The following PDE3A variants were observed in gnomAD, a reference collection of about 807,000 sequenced individuals.
PDE3A encodes the protein cGMP-inhibited 3',5'-cyclic phosphodiesterase 3A.
PDE3A carries 43 observed loss-of-function variants against 98.3 expected under a neutral mutation model. The observed-to-expected ratio is 0.44, with a 90% confidence interval of 0.34 to 0.56. The LOEUF (loss-of-function observed/expected upper bound fraction) is 0.56, where lower values mean the gene tolerates loss of function less well. PDE3A is among the 20% of genes least tolerant of loss of function. The pLI, the probability that PDE3A is intolerant of heterozygous loss-of-function variation, is 0.01. For missense variants in PDE3A, 1,427 were observed against 1,440.7 expected, an observed-to-expected ratio of 0.99 and a Z score of 0.15; for synonymous variants, 663 against 567.9, an observed-to-expected ratio of 1.17 and a Z score of -2.38.
At chr12:20,495,038 G>C (rs992576014) in intron 1 of PDE3A, among the ~76,000 whole-genome samples, 7 of 152,096 alleles carry the variant, frequency 4.6e-5, no homozygotes, top group African/African-American at 1.7e-4. Flanking sequence ...TTTAAACATA[G>C]TGTCTGTCTA....
intron 1 of PDE3A, among the ~76,000 whole-genome samples, chr12:20,529,409 G>C (rs560474250): frequency 1.3e-5 from 2 of 152,174 alleles, no homozygotes; most frequent in Non-Finnish European, 2.9e-5. Flanking sequence ...TTCCCCAAAA[G>C]ATATGTTGAT....
intron 4 of PDE3A, among the ~76,000 whole-genome samples, chr12:20,618,961 A>G (rs1305504851): frequency 1.3e-5 from 2 of 152,090 alleles, no homozygotes; most frequent in Non-Finnish European, 2.9e-5. Context: ...TCACAGGCAC[A>G]TAGATAATTT....
chr12:20,455,909 G>A (rs1411237044), intron 1 of PDE3A, among the ~76,000 whole-genome samples: 1 of 152,052 alleles, frequency 6.6e-6, no homozygotes, highest in Admixed American at 6.6e-5. Flanking sequence ...AAGCTTTCCT[G>A]CATCAAAGCG....
chr12:20,666,179 G>C (rs970247607), intron 15 of PDE3A, among the ~76,000 whole-genome samples: 3 of 151,826 alleles, frequency 2.0e-5, no homozygotes, highest in Non-Finnish European at 2.9e-5. Flanking sequence ...TGGCCAGGCT[G>C]GTCTTAAACT....
At chr12:20,508,803 T>C (rs562200652) in intron 1 of PDE3A, among the ~76,000 whole-genome samples, 173 of 71,022 alleles carry the variant, frequency 2.4e-3, no homozygotes, top group African/African-American at 9.6e-3. Context: ...ATTAACCAAG[T>C]AGTTGATACC....
rs963027435 is a variant in PDE3A at position 20,456,088 on chromosome 12, C to A, written c.960+85844C>A. Among the ~76,000 whole-genome samples the A allele has an allele frequency of 3.9e-5, 6 of 152,184 alleles. No individual in the cohort carries two copies. In the East Asian group the frequency reaches 1.2e-3, roughly 29 times the overall value. On this transcript the variant is annotated intron_variant, in intron 1 of 15. Transcript: ENST00000359062. ...ATTTTAATATTTATATCCAGGACGTCGCGACAACCTGTAGCTTCCCTCATG... is the reference window on the plus strand; with the variant it reads ...ATTTTAATATTTATATCCAGGACGTAGCGACAACCTGTAGCTTCCCTCATG...
chr12:20,416,413 T>C (rs1003319121), intron 1 of PDE3A, among the ~76,000 whole-genome samples: 11 of 152,210 alleles, frequency 7.2e-5, no homozygotes, highest in African/African-American at 2.7e-4. Context: ...TGTATGTGAA[T>C]GCATGTGTGT....
chr12:20,396,895 C>G (rs1944030028), intron 1 of PDE3A, among the ~76,000 whole-genome samples: 1 of 151,946 alleles, frequency 6.6e-6, no homozygotes, highest in Admixed American at 6.6e-5. Context: ...GAGTATTGAT[C>G]ACTATGAAGT....
intron 1 of PDE3A, among the ~76,000 whole-genome samples, chr12:20,496,329 G>A (rs1945918620): frequency 6.6e-6 from 1 of 152,150 alleles, no homozygotes; most frequent in Admixed American, 6.5e-5. Flanking sequence ...TGGTATAAGT[G>A]GACAAGCCCC....
At chr12:20,662,155 C>T (rs1032938029) in intron 15 of PDE3A, among the ~76,000 whole-genome samples, 16 of 152,072 alleles carry the variant, frequency 1.1e-4, no homozygotes, top group Non-Finnish European at 1.8e-4. Context: ...GTAAATTGCC[C>T]GGTCTTGGGT....
intron 2 of PDE3A, among the ~76,000 whole-genome samples, chr12:20,599,235 C>G (rs1943534141): frequency 6.6e-6 from 1 of 152,112 alleles, no homozygotes; most frequent in Non-Finnish European, 1.5e-5. Flanking sequence ...CTTACTCTCT[C>G]TAGACCTGTT....
chr12:20,524,665 T>A (rs7955323), intron 1 of PDE3A, among the ~76,000 whole-genome samples: 31,706 of 151,662 alleles, frequency 0.21, 4,093 homozygotes, highest in East Asian at 0.58. Flanking sequence ...ATCTTATGTA[T>A]GTTATTTTTA....
intron 14 of PDE3A, among the ~76,000 whole-genome samples, chr12:20,652,981 G>A (rs1017486090): frequency 4.6e-5 from 7 of 152,062 alleles, no homozygotes; most frequent in Non-Finnish European, 7.4e-5. Context: ...CATAAATCTC[G>A]AAATATGGAA....
At chr12:20,446,422 A>G (rs1326774707) in intron 1 of PDE3A, among the ~76,000 whole-genome samples, 2 of 152,130 alleles carry the variant, frequency 1.3e-5, no homozygotes, top group Non-Finnish European at 2.9e-5. Flanking sequence ...GTTAGATTTC[A>G]TGGTATCTAA....
chr12:20,603,685 A>G (rs750282976), intron 2 of PDE3A, among the ~76,000 whole-genome samples: 36 of 152,190 alleles, frequency 2.4e-4, no homozygotes, highest in Non-Finnish European at 4.0e-4. Context: ...TTCTTTGCAC[A>G]CACAATCTTT....
rs765658325 is a variant in PDE3A at position 20,646,502 on chromosome 12, T to G, written c.2264T>G (p.Ile755Ser). ...GYRDIPYHNRIHATDVLHAVW... is the reference protein window; with the variant it reads ...GYRDIPYHNRSHATDVLHAVW... ...TCACTGGTTACAGATCATAACAGAA[T>G]CCATGCCACTGATGTTTTACATGCT... Residue 755 changes from isoleucine (I) to serine (S), a missense_variant, in exon 11 of 16, where the codon ATC becomes AGC. By Grantham distance (142) the Ile-to-Ser change is moderately radical. Around this residue, in one of 3 missense-constraint regions of PDE3A, gnomAD observed 273 missense variants for 420.3 expected, o/e 0.65. Coordinates refer to ENST00000359062, the MANE Select transcript of PDE3A (RefSeq NM_000921.5). 6.3e-7 allele frequency: 1 copy of G among 1,586,372 alleles called. No homozygotes were observed. The highest frequency in any genetic ancestry group is 8.7e-7 in the Non-Finnish European group (1 of 1,154,756).
intron 2 of PDE3A, among the ~76,000 whole-genome samples, chr12:20,574,617 C>T (rs2121321285): frequency 6.6e-6 from 1 of 152,070 alleles, no homozygotes; most frequent in Non-Finnish European, 1.5e-5. Flanking sequence ...TCAACATCAT[C>T]ATCTTGCTCC....
chr12:20,591,581 G>T (rs1943339385), intron 2 of PDE3A, among the ~76,000 whole-genome samples: 1 of 152,212 alleles, frequency 6.6e-6, no homozygotes, highest in Non-Finnish European at 1.5e-5. Context: ...CAAAATATGT[G>T]CATTGTTAGG....
At chr12:20,621,438 C>T (rs1944135330) in intron 5 of PDE3A, 27 bp downstream of exon 5, 1 of 1,190,854 alleles carries the variant, frequency 8.4e-7, no homozygotes, top group Non-Finnish European at 1.3e-6. Flanking sequence ...GAGAAGGGTT[C>T]ATACTGTGAG....
Sources: allele counts gnomAD v4.1 joint callset (sites outside exome capture counted in the v4.1 genomes callset), GRCh38; gene constraint gnomAD v4.1.1; regional missense constraint gnomAD v4.1.1; transcripts MANE v1.5; gene names NCBI Gene and HGNC (gene_info 2026-07-23, HGNC 2026-07-21).